The following TAF1 variants were observed in gnomAD, a reference collection of about 807,000 sequenced individuals.
TAF1 encodes transcription initiation factor TFIID subunit 1.
Under a neutral mutation model 138.5 loss-of-function variants are expected in TAF1, and 2 were observed. The observed-to-expected ratio is 0.01, with a 90% CI of 0.01 to 0.05. TAF1 has a LOEUF of 0.05. TAF1 is among the 10% of genes least tolerant of loss of function. The probability of loss-of-function intolerance (pLI) is 1.00; values close to 1 mark genes in which losing one functional copy is unlikely to be tolerated. For synonymous variants in TAF1, 437 were observed against 503.2 expected, an observed-to-expected ratio of 0.87 and a Z score of 1.76; for missense variants, 709 against 1,478.0, an observed-to-expected ratio of 0.48 and a Z score of 8.53.
At chrX:71,510,735 G>A (rs895695576) in intron 13 of TAF1, among the ~76,000 whole-genome samples, 4 of 111,788 alleles carry the variant, frequency 3.6e-5, no homozygotes, top group Non-Finnish European at 5.6e-5. Context: ...CATGTAGATT[G>A]AGATGAGAAG....
intron 37 of TAF1, among the ~76,000 whole-genome samples, chrX:71,463,444 G>A (rs1172062318): frequency 9.0e-6 from 1 of 111,010 alleles, no homozygotes; most frequent in Non-Finnish European, 1.9e-5. Context: ...GCCAAGGTAG[G>A]CAGAGTAGGG....
At chrX:71,375,792 C>T (rs1410671614) in intron 4 of TAF1, among the ~76,000 whole-genome samples, 8 of 112,164 alleles carry the variant, frequency 7.1e-5, no homozygotes, top group African/African-American at 1.6e-4. Context: ...TCAAGTGATC[C>T]GCTCGCCTTG....
chrX:71,366,608 C>CGG, intron 1 of TAF1, 114 bp downstream of exon 1: 2 of 791,104 alleles, frequency 2.5e-6, no homozygotes, highest in South Asian at 5.4e-5. Flanking sequence ...CAGCTAACGC[C>CGG]GGGGAGGAGG....
At position 71,393,224 on chromosome X, in the gene TAF1, TTGTGTGTGTGTGTGTGTGTGTGTGTGTG is replaced by T; in HGVS notation, c.3052-63_3052-36del. 1.5e-5 allele frequency: 14 copies of T among 959,663 alleles called. No individual in the cohort carries two copies. In the East Asian group the frequency reaches 4.7e-4, roughly 32 times the overall value. 79.1% of individuals were successfully genotyped at this position (959,663 alleles called of 1,213,427 possible). ...TTGTCCTTTGAAATCCCTGAATGAT[TTGTGTGTGTGTGTGTGTGTGTGTGTGTG>T]TGTGTGTGTGTGTATATTTATATTT... On this transcript the variant is annotated intron_variant, in intron 20 of 37. Transcript: ENST00000423759.
At chrX:71,459,814 T>A in intron 36 of TAF1, 106 bp downstream of exon 36, 1 of 1,139,971 alleles carries the variant, frequency 8.8e-7, no homozygotes, top group South Asian at 2.1e-5. Flanking sequence ...GGAAGCTGCC[T>A]CTTTTATTGA....
chrX:71,422,107 TA>T (rs2036374293), intron 29 of TAF1, among the ~76,000 whole-genome samples: 1 of 112,082 alleles, frequency 8.9e-6, no homozygotes, highest in African/African-American at 3.2e-5. Flanking sequence ...CAAAAGTCAC[TA>T]ATCAGTAATA....
intron 18 of TAF1, among the ~76,000 whole-genome samples, chrX:71,392,289 A>C (rs2034607382): frequency 9.0e-6 from 1 of 111,214 alleles, no homozygotes; most frequent in Admixed American, 9.6e-5. Flanking sequence ...AAGGGATACC[A>C]CTGTTCTTTA....
chrX:71,418,034 C>T (rs935516292), intron 28 of TAF1, among the ~76,000 whole-genome samples: 1 of 111,993 alleles, frequency 8.9e-6, no homozygotes, highest in African/African-American at 3.2e-5. Flanking sequence ...AGCATTTATA[C>T]TCTGTCTTGC....
chrX:71,425,543 G>A (rs1470340060), intron 32 of TAF1, among the ~76,000 whole-genome samples: 1 of 111,153 alleles, frequency 9.0e-6, no homozygotes, highest in Non-Finnish European at 1.9e-5. Context: ...TATTTGGGAG[G>A]CTAAGGCAAG....
chrX:71,505,508 C>T (rs2039605241), intron 13 of TAF1, among the ~76,000 whole-genome samples: 1 of 112,074 alleles, frequency 8.9e-6, no homozygotes, highest in Admixed American at 9.5e-5. Context: ...GTCTTCCTCT[C>T]CCAAATGCAT....
At chrX:71,515,760 G>T (rs928770651) in intron 13 of TAF1, among the ~76,000 whole-genome samples, 1 of 111,425 alleles carries the variant, frequency 9.0e-6, no homozygotes, top group Non-Finnish European at 1.9e-5. Flanking sequence ...CCTCATCCCG[G>T]TGTATACATA....
rs1207950370 is a variant in TAF1 at position 71,402,505 on chromosome X, T to C, written c.3998+766T>C. 2.7e-5 allele frequency among the ~76,000 whole-genome samples: 3 copies of C among 111,850 alleles called. No individual in the cohort carries two copies. The East Asian group carries it at 8.3e-4, about 31-fold the overall frequency. On this transcript the variant is annotated intron_variant, in intron 25 of 37. Coordinates refer to ENST00000423759, the MANE Select transcript of TAF1 (RefSeq NM_004606.5). The stretch of plus-strand genomic sequence containing the variant: ...TCTCCCACCTCGGCCTCCCCAAGCG[T>C]TGGGATTACAGGCGTGAGCCATCAC...
At chrX:71,429,452 A>G (rs1322359776) in intron 32 of TAF1, among the ~76,000 whole-genome samples, 2 of 111,349 alleles carry the variant, frequency 1.8e-5, no homozygotes, top group Non-Finnish European at 3.8e-5. Context: ...GCAAAAGTAG[A>G]TGAAGGTGCC....
At chrX:71,403,579 T>C (rs1358775425) in intron 25 of TAF1, among the ~76,000 whole-genome samples, 3 of 111,768 alleles carry the variant, frequency 2.7e-5, no homozygotes, top group Non-Finnish European at 5.6e-5. Context: ...ATAAAATATG[T>C]TTTTTCTTTA....
intron 32 of TAF1, among the ~76,000 whole-genome samples, chrX:71,452,316 C>T (rs1386237926): frequency 1.8e-5 from 2 of 108,547 alleles, no homozygotes; most frequent in Non-Finnish European, 3.8e-5. Context: ...GGGCGGTTGC[C>T]GGGCGGAGGG....
intron 8 of TAF1, among the ~76,000 whole-genome samples, chrX:71,380,920 A>G (rs1189105004): frequency 2.7e-5 from 3 of 111,456 alleles, no homozygotes; most frequent in Admixed American, 1.9e-4. Flanking sequence ...TGAACTCCTG[A>G]CCTCAAGTGA....
chrX:71,369,772 A>AT lies in TAF1; in HGVS notation c.352+1616dup, dbSNP rs749487385. 2.0e-3 allele frequency among the ~76,000 whole-genome samples: 195 copies of AT among 98,633 alleles called. 2 individuals carry two copies. The highest frequency in any genetic ancestry group is 7.0e-3 in the Admixed American group (65 of 9,228). The allele number at this position is 98,633 out of a possible 115,157, so 85.7% of individuals were successfully genotyped here. ...AGGCGCCCACCACCACGCCTGGCTAATTTTTTTTTTTTTTGTATTTTTAGT... is the reference window on the plus strand; with the variant it reads ...AGGCGCCCACCACCACGCCTGGCTAATTTTTTTTTTTTTTTGTATTTTTAGT... On this transcript the variant is annotated intron_variant, in intron 3 of 37. Coordinates refer to ENST00000423759, the MANE Select transcript of TAF1 (RefSeq NM_004606.5).
At chrX:71,410,785 T>C (rs1190755733) in intron 28 of TAF1, among the ~76,000 whole-genome samples, 1 of 108,460 alleles carries the variant, frequency 9.2e-6, no homozygotes, top group African/African-American at 3.4e-5. Flanking sequence ...TCTACATTTG[T>C]GATTTTCTTT....
intron 13 of TAF1, among the ~76,000 whole-genome samples, chrX:71,483,707 C>T (rs1028984439): frequency 2.9e-5 from 3 of 102,077 alleles, no homozygotes; most frequent in Non-Finnish European, 5.9e-5. Flanking sequence ...CTGTATTTTC[C>T]AACTTGCTTT....
Sources: gnomAD v4.1 joint callset for allele counts (sites outside exome capture counted in the v4.1 genomes callset) on GRCh38, gnomAD v4.1.1 for gene constraint, MANE v1.5 for transcripts, NCBI Gene and HGNC (gene_info 2026-07-23, HGNC 2026-07-21) for gene names.